The following LRRC4C variants were observed in gnomAD, a reference collection of about 807,000 sequenced individuals.
The protein encoded by LRRC4C is leucine rich repeat containing 4C, also known as leucine-rich repeat-containing protein 4C.
In LRRC4C, 5 loss-of-function variants were observed where a neutral mutation model predicts 33.6. That is an observed-to-expected ratio of 0.15 (90% CI 0.08 to 0.31). The LOEUF is 0.31. Ranked by LOEUF, LRRC4C falls within the 10% of genes least tolerant of loss-of-function variation. LRRC4C has a pLI of 1.00. For missense variants in LRRC4C, 560 were observed against 796.7 expected, an observed-to-expected ratio of 0.70 and a Z score of 3.58; for synonymous variants, 329 against 302.0, an observed-to-expected ratio of 1.09 and a Z score of -0.93.
At chr11:40,980,633 A>G (rs1852449833) in intron 1 of LRRC4C, among the ~76,000 whole-genome samples, 1 of 152,232 alleles carries the variant, frequency 6.6e-6, no homozygotes, top group African/African-American at 2.4e-5. Context: ...ACTTCCTTTC[A>G]TTAAAATACT....
At chr11:40,888,001 T>C (rs1474947865) in intron 2 of LRRC4C, among the ~76,000 whole-genome samples, 1 of 151,994 alleles carries the variant, frequency 6.6e-6, no homozygotes, top group Non-Finnish European at 1.5e-5. Flanking sequence ...TATATAGTCT[T>C]ATAAAGAATT....
intron 2 of LRRC4C, among the ~76,000 whole-genome samples, chr11:40,699,793 T>G (rs1201590896): frequency 6.6e-6 from 1 of 152,164 alleles, no homozygotes; most frequent in African/African-American, 2.4e-5. Flanking sequence ...AGCTCTAATA[T>G]TTTAGTCTGT....
At chr11:41,003,034 ATTAC>A (rs1207581962) in intron 1 of LRRC4C, among the ~76,000 whole-genome samples, 3 of 152,174 alleles carry the variant, frequency 2.0e-5, no homozygotes, top group African/African-American at 7.2e-5. Flanking sequence ...AGTTAAATAT[ATTAC>A]TTCTCCGATG....
chr11:40,285,250 G>A lies in LRRC4C; in HGVS notation c.-176+34378C>T, dbSNP rs142929511. Among the ~76,000 whole-genome samples, 85 of 152,228 alleles carry A rather than the reference G, an allele frequency of 5.6e-4. No individual in the cohort carries two copies. The East Asian group carries it at 0.015, about 26-fold the overall frequency. ...CTGGGAGTAGAAGTGACTCAAAGGG[G>A]GAAGCCCTCATTATTTAAGGAGAAG... On this transcript the variant is annotated intron_variant, in intron 4 of 6. Transcript: ENST00000528697.
chr11:41,123,159 C>T (rs930232528), intron 1 of LRRC4C: 10 of 151,810 alleles, frequency 6.6e-5, no homozygotes, highest in Non-Finnish European at 1.5e-4. Context: ...TCTCTTGAAG[C>T]ACCTCCAAGG....
chr11:40,847,352 A>C lies in LRRC4C; in HGVS notation c.-407+86283T>G, dbSNP rs112540302. ...CCTAGTTTATTGAATGTTTTTTAGC[A>C]TGAAGGAGTGTTGAATTTTATTGAA... On this transcript the variant is annotated intron_variant, in intron 2 of 6. Coordinates refer to ENST00000528697, the MANE Select transcript of LRRC4C (RefSeq NM_001258419.2). Among the ~76,000 whole-genome samples, 1,494 of 152,296 alleles carry C rather than the reference A, an allele frequency of 9.8e-3. 22 individuals are homozygous for C. The highest frequency in any genetic ancestry group is 0.033 in the African/African-American group (1,362 of 41,554).
intron 1 of LRRC4C, among the ~76,000 whole-genome samples, chr11:41,340,180 G>T (rs1052913042): frequency 2.6e-5 from 4 of 152,080 alleles, no homozygotes; most frequent in African/African-American, 9.7e-5. Flanking sequence ...GAATTGACTG[G>T]CTTTCCCAAC....
chr11:41,126,767 A>T (rs1054373372), intron 1 of LRRC4C, among the ~76,000 whole-genome samples: 47 of 151,998 alleles, frequency 3.1e-4, no homozygotes, highest in African/African-American at 1.1e-3. Flanking sequence ...ATGAAGGAAT[A>T]TGTGGGGAGA....
At chr11:40,622,329 G>A (rs745407407) in intron 3 of LRRC4C, among the ~76,000 whole-genome samples, 4 of 150,076 alleles carry the variant, frequency 2.7e-5, no homozygotes, top group South Asian at 2.1e-4. Context: ...GACAGTGGAT[G>A]TGAACTTAAA....
chr11:40,393,942 A>G (rs916484571), intron 3 of LRRC4C, among the ~76,000 whole-genome samples: 8 of 151,914 alleles, frequency 5.3e-5, no homozygotes, highest in South Asian at 4.2e-4. Flanking sequence ...CTCTTAAGAG[A>G]AAAAAAATGG....
intron 3 of LRRC4C, among the ~76,000 whole-genome samples, chr11:40,464,324 A>G (rs1282341535): frequency 6.6e-6 from 1 of 152,014 alleles, no homozygotes; most frequent in Non-Finnish European, 1.5e-5. Flanking sequence ...AAAGGAACAC[A>G]TATCAAAATA....
In LRRC4C at chr11:40,606,355, T is replaced by C. The variant is rs145921388; in HGVS notation, c.-270+41787A>G. ...CAAACTGGAAATGTGCACACATAAG[T>C]TAAGACACAACACATCCACAAGAAA... On this transcript the variant is annotated intron_variant, in intron 3 of 6. Transcript: ENST00000528697. Among the ~76,000 whole-genome samples, 333 of 152,230 alleles carry C rather than the reference T, an allele frequency of 2.2e-3. 4 individuals are homozygous for C. The highest frequency in any genetic ancestry group is 7.8e-3 in the African/African-American group (324 of 41,536).
Position 41,300,709 on chromosome 11 carries a change from C to T in LRRC4C, c.-496+158722G>A, listed in dbSNP as rs184463908. 1.5e-3 allele frequency among the ~76,000 whole-genome samples: 236 copies of T among 152,286 alleles called. 2 individuals carry two copies. In the Middle Eastern group the frequency reaches 0.02, roughly 13 times the overall value. ...CCTCTACCTTGACATCCCCAGCTAT[C>T]CAAAGCTAACCAGAACTTAACTATG... On this transcript the variant is annotated intron_variant, in intron 1 of 6. Transcript: ENST00000528697.
intron 1 of LRRC4C, among the ~76,000 whole-genome samples, chr11:41,416,638 A>G (rs1200557487): frequency 2.0e-5 from 3 of 151,982 alleles, no homozygotes; most frequent in East Asian, 3.9e-4. Flanking sequence ...GGGAAGGAGT[A>G]TGGGTTTCAA....
At chr11:40,955,634 G>A (rs1259149147) in intron 1 of LRRC4C, among the ~76,000 whole-genome samples, 4 of 151,660 alleles carry the variant, frequency 2.6e-5, no homozygotes, top group South Asian at 2.1e-4. Context: ...CCTATATAAT[G>A]TCCTTTCTGT....
At chr11:40,978,014 T>A (rs1852207847) in intron 1 of LRRC4C, among the ~76,000 whole-genome samples, 1 of 152,208 alleles carries the variant, frequency 6.6e-6, no homozygotes, top group South Asian at 2.1e-4. Flanking sequence ...CTTCTTATTC[T>A]TCTTCTGACA....
chr11:40,777,868 T>C (rs2137242822), intron 2 of LRRC4C, among the ~76,000 whole-genome samples: 1 of 152,022 alleles, frequency 6.6e-6, no homozygotes, highest in South Asian at 2.1e-4. Flanking sequence ...TTTTGTATTA[T>C]TAATAGAGAC....
intron 5 of LRRC4C, among the ~76,000 whole-genome samples, chr11:40,235,265 A>G (rs1042079510): frequency 1.3e-5 from 2 of 152,250 alleles, no homozygotes; most frequent in African/African-American, 4.8e-5. Flanking sequence ...ATATGCTTGT[A>G]AAACATTTAG....
chr11:40,894,740 A>G (rs1332257461), intron 2 of LRRC4C, among the ~76,000 whole-genome samples: 3 of 152,076 alleles, frequency 2.0e-5, no homozygotes, highest in Non-Finnish European at 4.4e-5. Context: ...ATATTTCTTG[A>G]AACTCTATCC....
Sources: gnomAD v4.1 joint callset for allele counts (sites outside exome capture counted in the v4.1 genomes callset) on GRCh38, gnomAD v4.1.1 for gene constraint, MANE v1.5 for transcripts, NCBI Gene and HGNC (gene_info 2026-07-23, HGNC 2026-07-21) for gene names.